KCNIP1: variants seen among roughly 807,000 people sequenced by gnomAD.
KCNIP1 encodes the protein A-type potassium channel modulatory protein KCNIP1.
A neutral mutation model predicts 33.0 loss-of-function variants in KCNIP1; 18 were observed. The ratio of observed to expected loss-of-function variants is 0.55; its 90% CI spans 0.38 to 0.81. The LOEUF (loss-of-function observed/expected upper bound fraction) is 0.81. Ranked by LOEUF, KCNIP1 falls within the 30% of genes least tolerant of loss-of-function variation. The probability of loss-of-function intolerance (pLI) is 0.00; values close to 1 mark genes in which losing one functional copy is unlikely to be tolerated. For missense variants in KCNIP1, 238 were observed against 271.6 expected (o/e 0.88, Z 0.87); for synonymous variants, 93 against 98.3 (o/e 0.95, Z 0.32).
intron 1 of KCNIP1, among the ~76,000 whole-genome samples, chr5:170,493,045 G>T (rs536218336): frequency 6.6e-6 from 1 of 152,132 alleles, no homozygotes; most frequent in South Asian, 2.1e-4. Flanking sequence ...ACCTCCCCCG[G>T]CCCCTTTCTA....
intron 1 of KCNIP1, among the ~76,000 whole-genome samples, chr5:170,355,020 G>A (rs1398720995): frequency 2.0e-5 from 3 of 152,242 alleles, no homozygotes; most frequent in Non-Finnish European, 4.4e-5. Context: ...TATGCAGCCA[G>A]ATCTCATGAC....
intron 1 of KCNIP1, among the ~76,000 whole-genome samples, chr5:170,634,781 A>T (rs1306537836): frequency 6.6e-6 from 1 of 152,250 alleles, no homozygotes; most frequent in Non-Finnish European, 1.5e-5. Flanking sequence ...GTCATCATTA[A>T]TATGATACAT....
chr5:170,431,782 A>G (rs1755747175), intron 1 of KCNIP1, among the ~76,000 whole-genome samples: 1 of 152,192 alleles, frequency 6.6e-6, no homozygotes, highest in South Asian at 2.1e-4. Context: ...TCTGCCACCT[A>G]CCCAGCAGGA....
intron 1 of KCNIP1, among the ~76,000 whole-genome samples, chr5:170,608,760 CA>C (rs34976967): frequency 0.56 from 79,209 of 141,262 alleles, 21,969 homozygotes; most frequent in Middle Eastern, 0.65. Context: ...GAAACTGTCT[CA>C]AAAAAAAAAA....
intron 1 of KCNIP1, among the ~76,000 whole-genome samples, chr5:170,396,575 T>C (rs1234904575): frequency 6.6e-6 from 1 of 152,154 alleles, no homozygotes; most frequent in Admixed American, 6.5e-5. Context: ...AGGCAGGACA[T>C]CTCAAATGGG....
intron 1 of KCNIP1, among the ~76,000 whole-genome samples, chr5:170,565,567 T>C (rs549462297): frequency 6.6e-6 from 1 of 152,322 alleles, no homozygotes; most frequent in Non-Finnish European, 1.5e-5. Context: ...GAAAAATACC[T>C]AACATTTGTT....
At chr5:170,515,074 C>A (rs550582555) in intron 1 of KCNIP1, among the ~76,000 whole-genome samples, 4 of 152,284 alleles carry the variant, frequency 2.6e-5, no homozygotes, top group African/African-American at 9.6e-5. Context: ...AAGTGACTTG[C>A]CCAAGTGCCC....
At chr5:170,723,160 A>G (rs1763889942) in intron 5 of KCNIP1, among the ~76,000 whole-genome samples, 1 of 152,228 alleles carries the variant, frequency 6.6e-6, no homozygotes, top group African/African-American at 2.4e-5. Context: ...AGTCAAAGCT[A>G]AAAGTTGAAA....
rs191797415 is a variant in KCNIP1, at chr5:170,683,690, C to T, written c.62-35068C>T. Among the ~76,000 whole-genome samples the T allele has an allele frequency of 2.6e-3, 402 of 152,018 alleles. 2 individuals are homozygous for T. The highest frequency in any genetic ancestry group is 3.6e-3 in the Non-Finnish European group (247 of 67,972). On this transcript the variant is annotated intron_variant, in intron 1 of 7. Coordinates refer to ENST00000328939, the MANE Select transcript of KCNIP1 (RefSeq NM_014592.4). ...AAAGAACCCATCTGTAGTCTTCCTT[C>T]GGCCCTTGATCTTATTCCTATTTTA...
chr5:170,646,013 T>A (rs1056056234), intron 1 of KCNIP1, among the ~76,000 whole-genome samples: 1 of 152,146 alleles, frequency 6.6e-6, no homozygotes, highest in Non-Finnish European at 1.5e-5. Context: ...ATGAACCAAT[T>A]CTTTAAAGTA....
chr5:170,558,928 C>G (rs1756935991), intron 1 of KCNIP1, among the ~76,000 whole-genome samples: 1 of 152,200 alleles, frequency 6.6e-6, no homozygotes, highest in Non-Finnish European at 1.5e-5. Flanking sequence ...GTCCCTATCA[C>G]CTCCCAGGGC....
chr5:170,713,528 C>T lies in KCNIP1; in HGVS notation c.62-5230C>T, dbSNP rs538480739. Among the ~76,000 whole-genome samples, 11 of 152,342 alleles carry T rather than the reference C, an allele frequency of 7.2e-5. No individual in the cohort carries two copies. In the South Asian group the frequency reaches 2.3e-3, roughly 32 times the overall value. On this transcript the variant is annotated intron_variant, in intron 1 of 7. Coordinates refer to ENST00000328939, the MANE Select transcript of KCNIP1 (RefSeq NM_014592.4). ...GCCGGTGTTCAGCTCTAGCAGGCTG[C>T]TGAAGTGTCTGAATTTGAGACCAAA...
intron 1 of KCNIP1, among the ~76,000 whole-genome samples, chr5:170,677,901 AT>A (rs775253369): frequency 6.6e-6 from 1 of 152,276 alleles, no homozygotes. Context: ...GGCCAAAAAA[AT>A]AAAATAGTAA....
In KCNIP1 at chr5:170,390,517, A is replaced by AAAAAAAAAAAAAAAAT; in HGVS notation, c.88+36554_88+36555insAAAAAAAAAAAAAATA. ...GACCCCGTCTCAAAAAAAAAAAACA[A>AAAAAAAAAAAAAAAAT]ATATATATATATATATATATATTTT... On this transcript the variant is annotated intron_variant, in intron 1 of 7. Coordinates refer to the KCNIP1 transcript ENST00000377360. Among the ~76,000 whole-genome samples, 24 of 74,542 alleles carry AAAAAAAAAAAAAAAAT rather than the reference A, an allele frequency of 3.2e-4. 2 individuals are homozygous for AAAAAAAAAAAAAAAAT. The highest frequency in any genetic ancestry group is 1.3e-3 in the African/African-American group (21 of 15,616). The allele number at this position is 74,542 out of a possible 152,430, so 48.9% of individuals were successfully genotyped here.
rs187756304 is a variant in KCNIP1, at chr5:170,608,904, G to C, written c.61+104271G>C. The stretch of plus-strand genomic sequence containing the variant: ...GAGGAAGAGTTAAAAGTCCAAGTGG[G>C]AAGCACAGTCCCGGGCGGAGGCAGG... On this transcript the variant is annotated intron_variant, in intron 1 of 7. Transcript: ENST00000328939. Among the ~76,000 whole-genome samples, 875 of 152,260 alleles carry C rather than the reference G, an allele frequency of 5.7e-3. 36 individuals carry two copies. Among genetic ancestry groups the C allele is most frequent in the Admixed American group, 0.055 (835 of 15,298 alleles).
At chr5:170,375,252 T>G (rs1043944332) in intron 1 of KCNIP1, 7 of 152,252 alleles carry the variant, frequency 4.6e-5, no homozygotes, top group African/African-American at 1.7e-4. Context: ...ATATTACAAT[T>G]AAGACTTTCT....
chr5:170,504,517 A>AG lies in KCNIP1; in HGVS notation c.-53dup. 9.3e-6 allele frequency: 15 copies of AG among 1,607,072 alleles called. No individual in the cohort carries two copies. In the South Asian group the frequency reaches 1.5e-4, roughly 16 times the overall value. The stretch of plus-strand genomic sequence containing the variant: ...AGACAAACCACGGGGATTTCTTTCC[A>AG]GGGTAGGGGAGGGGCCGGGCCCGGG... On this transcript the variant is annotated 5_prime_UTR_variant, in exon 1 of 8. Coordinates refer to ENST00000328939, the MANE Select transcript of KCNIP1 (RefSeq NM_014592.4). This position sits in a 1 kb window ranked among gnomAD's most constrained non-coding sequence, Gnocchi z 6.0.
upstream of KCNIP1, among the ~76,000 whole-genome samples, chr5:170,499,394 G>C (rs1195058831): frequency 6.6e-6 from 1 of 152,220 alleles, no homozygotes; most frequent in Non-Finnish European, 1.5e-5. Flanking sequence ...CCAGGCACCT[G>C]CTAAGGGCCC....
chr5:170,378,482 A>G, intron 1 of KCNIP1: 1 of 567,052 alleles, frequency 1.8e-6, no homozygotes, highest in Non-Finnish European at 3.1e-6. Context: ...GGCTGGCCTT[A>G]TGGCCTCCAA....
Sources: allele counts gnomAD v4.1 joint callset (sites outside exome capture counted in the v4.1 genomes callset), GRCh38; gene constraint gnomAD v4.1.1; non-coding constraint Gnocchi (gnomAD v3.1); transcripts MANE v1.5; gene names NCBI Gene and HGNC (gene_info 2026-07-23, HGNC 2026-07-21).